The following GRIN2B variants were observed in gnomAD, a reference collection of about 807,000 sequenced individuals.
GRIN2B encodes glutamate receptor ionotropic, NMDA 2B.
Under a neutral mutation model 114.5 loss-of-function variants are expected in GRIN2B, and 5 were observed. The ratio of observed to expected loss-of-function variants is 0.04; its 90% confidence interval spans 0.02 to 0.09. GRIN2B has a LOEUF of 0.09. Among genes scored for constraint, GRIN2B ranks in the 10% least tolerant of loss-of-function variants. GRIN2B has a pLI of 1.00. For missense variants in GRIN2B, 1,108 were observed against 1,943.5 expected (o/e 0.57, Z 8.08); for synonymous variants, 787 against 745.1 (o/e 1.06, Z -0.92).
In GRIN2B at chr12:13,778,183, T is replaced by C. The variant is rs991131968; in HGVS notation, c.412-24268A>G. ...TCCTCCCATTCTTGAAGATTAAATA[T>C]ATGGTTTTCTTATTTTTATCTTATT... On this transcript the variant is annotated intron_variant, in intron 3 of 13. Coordinates refer to ENST00000609686, the MANE Select transcript of GRIN2B (RefSeq NM_000834.5). Among the ~76,000 whole-genome samples the C allele has an allele frequency of 3.3e-5, 5 of 152,304 alleles. No homozygotes were observed. In the East Asian group the frequency reaches 9.6e-4, roughly 29 times the overall value.
At chr12:13,867,703 C>T (rs1212300128) in intron 2 of GRIN2B, among the ~76,000 whole-genome samples, 2 of 152,096 alleles carry the variant, frequency 1.3e-5, no homozygotes, top group African/African-American at 4.8e-5. Context: ...AAGCTCAACA[C>T]AGTTATGTAA....
chr12:13,661,174 T>G (rs1259045398), intron 5 of GRIN2B, among the ~76,000 whole-genome samples: 9 of 152,212 alleles, frequency 5.9e-5, no homozygotes. Flanking sequence ...GTAAATGCCC[T>G]TGGATCACTC....
intron 2 of GRIN2B, among the ~76,000 whole-genome samples, chr12:13,878,705 T>C (rs1866027832): frequency 6.6e-6 from 1 of 152,170 alleles, no homozygotes; most frequent in Non-Finnish European, 1.5e-5. Flanking sequence ...ACTCCCTGCT[T>C]ATCCTCAGGC....
chr12:13,912,318 G>A (rs1485937351), intron 2 of GRIN2B, among the ~76,000 whole-genome samples: 1 of 152,156 alleles, frequency 6.6e-6, no homozygotes, highest in East Asian at 1.9e-4. Flanking sequence ...ACAAGCAGAT[G>A]TTAATGAAGA....
At chr12:13,808,061 T>A (rs1164436527) in intron 3 of GRIN2B, among the ~76,000 whole-genome samples, 2 of 152,180 alleles carry the variant, frequency 1.3e-5, no homozygotes, top group Non-Finnish European at 2.9e-5. Flanking sequence ...TCTAAGGCCA[T>A]ATACTCTGGC....
At chr12:13,902,674 G>T (rs1334354736) in intron 2 of GRIN2B, among the ~76,000 whole-genome samples, 1 of 152,068 alleles carries the variant, frequency 6.6e-6, no homozygotes, top group Non-Finnish European at 1.5e-5. Flanking sequence ...AGCCAGGTGT[G>T]GTGGCCTGCG....
chr12:13,856,102 G>A (rs1341492452), intron 3 of GRIN2B, among the ~76,000 whole-genome samples: 6 of 152,202 alleles, frequency 3.9e-5, no homozygotes, highest in African/African-American at 1.2e-4. Context: ...TCAGGAAAGT[G>A]TGCACAGAAG....
intron 13 of GRIN2B, among the ~76,000 whole-genome samples, chr12:13,565,298 T>C (rs1290887816): frequency 1.3e-5 from 2 of 152,134 alleles, no homozygotes; most frequent in Non-Finnish European, 2.9e-5. Context: ...TCCTGCTGTG[T>C]TCTACACTGT....
At chr12:13,576,941 A>G (rs1369207497) in intron 10 of GRIN2B, among the ~76,000 whole-genome samples, 1 of 152,174 alleles carries the variant, frequency 6.6e-6, no homozygotes, top group African/African-American at 2.4e-5. Context: ...AATTATCAAC[A>G]CATAGATTTG....
intron 3 of GRIN2B, among the ~76,000 whole-genome samples, chr12:13,827,505 T>C (rs957457478): frequency 6.6e-6 from 1 of 152,134 alleles, no homozygotes; most frequent in African/African-American, 2.4e-5. Flanking sequence ...TGCTATACTC[T>C]AGATCCTTCA....
Position 13,545,149 on chromosome 12 carries a change from C to T in GRIN2B, c.*17634G>A, listed in dbSNP as rs1591594716. On this transcript the variant is annotated 3_prime_UTR_variant, in exon 14 of 14. Coordinates refer to ENST00000609686, the MANE Select transcript of GRIN2B (RefSeq NM_000834.5). ...TTTGACAGCAGGGCCTTTGCAATTG[C>T]TTTCTCTTTGCCTTTGCATAGAAAG... 1 of 152,234 alleles carries T rather than the reference C, an allele frequency of 6.6e-6. No individual in the cohort carries two copies. The highest frequency in any genetic ancestry group is 6.5e-5 in the Admixed American group (1 of 15,282). 9.4% of individuals were successfully genotyped at this position (152,234 alleles called of 1,614,324 possible). A position where few individuals can be genotyped will look rare whatever the true frequency, so the allele number is the denominator to read the frequency against.
At chr12:13,861,263 G>T (rs1865746912) in intron 3 of GRIN2B, among the ~76,000 whole-genome samples, 1 of 152,152 alleles carries the variant, frequency 6.6e-6, no homozygotes, top group Non-Finnish European at 1.5e-5. Context: ...GTATTCCTGA[G>T]ATTTGAATTC....
At chr12:13,954,249 T>G (rs1867546380) in intron 2 of GRIN2B, among the ~76,000 whole-genome samples, 1 of 152,144 alleles carries the variant, frequency 6.6e-6, no homozygotes, top group African/African-American at 2.4e-5. Flanking sequence ...CTAAAAAATA[T>G]CTCAGCACAA....
chr12:13,847,970 T>C (rs1414457571), intron 3 of GRIN2B, among the ~76,000 whole-genome samples: 1 of 152,106 alleles, frequency 6.6e-6, no homozygotes, highest in Non-Finnish European at 1.5e-5. Context: ...TCTGCCTTAA[T>C]AGACAAAATT....
intron 4 of GRIN2B, among the ~76,000 whole-genome samples, chr12:13,746,261 C>T (rs975616186): frequency 6.6e-6 from 1 of 152,130 alleles, no homozygotes; most frequent in Non-Finnish European, 1.5e-5. Flanking sequence ...AGGCAACTAA[C>T]GATGGAGTTC....
At chr12:13,658,014 T>C (rs1032744314) in intron 5 of GRIN2B, among the ~76,000 whole-genome samples, 1 of 152,170 alleles carries the variant, frequency 6.6e-6, no homozygotes, top group African/African-American at 2.4e-5. Context: ...GAGACCAGCC[T>C]GACCAACATG....
chr12:13,729,544 G>C (rs999016879), intron 4 of GRIN2B, among the ~76,000 whole-genome samples: 1 of 152,098 alleles, frequency 6.6e-6, no homozygotes, highest in African/African-American at 2.4e-5. Context: ...TGGGGAAGAT[G>C]GAGGCAGAGA....
intron 5 of GRIN2B, among the ~76,000 whole-genome samples, chr12:13,620,047 TA>T (rs1565479565): frequency 2.6e-5 from 4 of 152,202 alleles, no homozygotes; most frequent in Admixed American, 1.3e-4. Context: ...ATAAAAGATA[TA>T]AATAAAGTAC....
intron 2 of GRIN2B, among the ~76,000 whole-genome samples, chr12:13,945,346 C>T (rs1056469094): frequency 6.6e-6 from 1 of 152,104 alleles, no homozygotes; most frequent in Non-Finnish European, 1.5e-5. Context: ...TTTTAACTAA[C>T]CTACACCTCC....
Sources: gnomAD v4.1 joint callset for allele counts (sites outside exome capture counted in the v4.1 genomes callset) on GRCh38, gnomAD v4.1.1 for gene constraint, MANE v1.5 for transcripts, NCBI Gene and HGNC (gene_info 2026-07-23, HGNC 2026-07-21) for gene names.